The following PSD3 variants were observed in gnomAD, a reference collection of about 807,000 sequenced individuals.
PSD3 encodes the protein pleckstrin and Sec7 domain containing 3, also known as PH and SEC7 domain-containing protein 3.
In PSD3, 49 loss-of-function variants were observed where a neutral mutation model predicts 105.5. That is an observed-to-expected ratio of 0.46 (90% CI 0.37 to 0.59). The LOEUF (loss-of-function observed/expected upper bound fraction) is 0.59. Among genes scored for constraint, PSD3 ranks in the 20% least tolerant of loss-of-function variants. PSD3 has a pLI of 0.00. For synonymous variants in PSD3, 557 were observed against 457.8 expected, an observed-to-expected ratio of 1.22 and a Z score of -2.77; for missense variants, 1,561 against 1,263.8, an observed-to-expected ratio of 1.24 and a Z score of -3.57.
intron 1 of PSD3, among the ~76,000 whole-genome samples, chr8:18,997,281 A>C (rs1032411487): frequency 6.6e-6 from 1 of 151,800 alleles, no homozygotes; most frequent in Admixed American, 6.6e-5. Context: ...TCCCTATCTC[A>C]GTTAATGCAC....
intron 15 of PSD3, among the ~76,000 whole-genome samples, chr8:18,539,271 T>A (rs1447017645): frequency 6.6e-6 from 1 of 152,096 alleles, no homozygotes; most frequent in African/African-American, 2.4e-5. Context: ...TAAAGAAAAA[T>A]AACTCTGAAT....
chr8:18,672,254 T>C (rs17695724), intron 9 of PSD3, among the ~76,000 whole-genome samples: 3,610 of 152,114 alleles, frequency 0.024, 166 homozygotes, highest in East Asian at 0.15. Flanking sequence ...TTATATTTAA[T>C]AACTATGGAC....
At chr8:18,894,230 C>T (rs1818997643) in intron 2 of PSD3, among the ~76,000 whole-genome samples, 1 of 152,180 alleles carries the variant, frequency 6.6e-6, no homozygotes, top group African/African-American at 2.4e-5. Context: ...GGCTTTTGTA[C>T]AATTAATTTT....
chr8:18,733,784 C>G (rs1489563544), intron 9 of PSD3: 1 of 152,562 alleles, frequency 6.6e-6, no homozygotes, highest in Non-Finnish European at 1.5e-5. Flanking sequence ...AACTAACATC[C>G]CATACCGGCA....
Position 18,958,944 on chromosome 8 carries a change from G to A in PSD3, c.22-22802C>T, listed in dbSNP as rs550872592. 5.0e-4 allele frequency among the ~76,000 whole-genome samples: 75 copies of A among 149,550 alleles called. 1 individual carries two copies. The highest frequency in any genetic ancestry group is 8.5e-4 in the South Asian group (4 of 4,722). On this transcript the variant is annotated intron_variant, in intron 1 of 15. Transcript: ENST00000327040. The stretch of plus-strand genomic sequence containing the variant: ...GTTTTTTTTTTTTTTCTTTTGAGAC[G>A]GAGTCTTGTTCTGTTGCCCAGGGTG...
At chr8:18,964,633 C>G (rs571367388) in intron 1 of PSD3, among the ~76,000 whole-genome samples, 11 of 152,176 alleles carry the variant, frequency 7.2e-5, no homozygotes, top group South Asian at 4.2e-4. Flanking sequence ...TATGGAGAGG[C>G]CTTCCTTGAT....
At chr8:19,023,460 G>C (rs1008441050) in intron 1 of PSD3, among the ~76,000 whole-genome samples, 4 of 150,884 alleles carry the variant, frequency 2.7e-5, no homozygotes, top group Non-Finnish European at 5.9e-5. Flanking sequence ...ACAGGGTCTT[G>C]CTCTGTCACC....
At chr8:18,958,480 C>G (rs1823717030) in intron 1 of PSD3, among the ~76,000 whole-genome samples, 1 of 152,102 alleles carries the variant, frequency 6.6e-6, no homozygotes, top group Non-Finnish European at 1.5e-5. Flanking sequence ...TAGATTCTTT[C>G]TGAGCACTCA....
intron 8 of PSD3, among the ~76,000 whole-genome samples, chr8:18,773,665 T>C (rs1245960382): frequency 6.6e-6 from 1 of 152,232 alleles, no homozygotes; most frequent in Non-Finnish European, 1.5e-5. Flanking sequence ...TTGATAAGTT[T>C]TGAAATGGAG....
At chr8:18,638,057 G>A (rs1355390533) in intron 10 of PSD3, among the ~76,000 whole-genome samples, 2 of 150,464 alleles carry the variant, frequency 1.3e-5, no homozygotes, top group Non-Finnish European at 2.9e-5. Context: ...TTGGGAGGCT[G>A]AAGCAGAGAA....
At chr8:18,752,649 A>AT in intron 9 of PSD3, among the ~76,000 whole-genome samples, 1 of 103,368 alleles carries the variant, frequency 9.7e-6, no homozygotes, top group Non-Finnish European at 1.8e-5. Flanking sequence ...TATAATATAT[A>AT]TAATATATTA....
chr8:18,614,248 A>G (rs904632799), intron 11 of PSD3, among the ~76,000 whole-genome samples: 3 of 152,046 alleles, frequency 2.0e-5, no homozygotes, highest in Non-Finnish European at 4.4e-5. Flanking sequence ...CAAAGTTTTT[A>G]TTAAGCTTCT....
At chr8:18,705,486 G>A (rs534048191) in intron 9 of PSD3, among the ~76,000 whole-genome samples, 47 of 135,406 alleles carry the variant, frequency 3.5e-4, no homozygotes, top group African/African-American at 1.0e-3. Context: ...AGCTGAGACC[G>A]TGCCACTATA....
chr8:18,908,016 G>C (rs558081785), intron 2 of PSD3, among the ~76,000 whole-genome samples: 1 of 152,124 alleles, frequency 6.6e-6, no homozygotes, highest in African/African-American at 2.4e-5. Flanking sequence ...ACTATCTGTA[G>C]AATATACATA....
At chr8:18,581,055 G>A (rs975566642) in intron 12 of PSD3, among the ~76,000 whole-genome samples, 1 of 152,188 alleles carries the variant, frequency 6.6e-6, no homozygotes, top group African/African-American at 2.4e-5. Context: ...GACAGAAACT[G>A]AGAGAGAAAC....
At chr8:18,963,474 T>G (rs1165460244) in intron 1 of PSD3, among the ~76,000 whole-genome samples, 2 of 152,168 alleles carry the variant, frequency 1.3e-5, no homozygotes, top group African/African-American at 4.8e-5. Context: ...TTTTCTTATT[T>G]TATACATACT....
chr8:18,659,920 C>T (rs146511336), intron 9 of PSD3, among the ~76,000 whole-genome samples: 1 of 152,252 alleles, frequency 6.6e-6, no homozygotes, highest in East Asian at 1.9e-4. Flanking sequence ...AGAAACATTG[C>T]TATGGACTGG....
At chr8:19,013,749 G>C (rs1827068916), upstream of PSD3, 1 of 409,152 alleles carries the variant, frequency 2.4e-6, no homozygotes, top group Non-Finnish European at 3.6e-6. Context: ...TGGCGAGGCT[G>C]CGAGCCCGCG....
intron 12 of PSD3, among the ~76,000 whole-genome samples, chr8:18,595,502 G>GAAA (rs35339568): frequency 6.8e-6 from 1 of 148,104 alleles, no homozygotes; most frequent in South Asian, 2.1e-4. Context: ...GAGAGAGAGA[G>GAAA]AAAAAAAAAC....
Sources: allele counts gnomAD v4.1 joint callset (sites outside exome capture counted in the v4.1 genomes callset), GRCh38; gene constraint gnomAD v4.1.1; transcripts MANE v1.5; gene names NCBI Gene and HGNC (gene_info 2026-07-23, HGNC 2026-07-21).